DTNA: variants seen among roughly 807,000 people sequenced by gnomAD.
DTNA encodes the protein dystrophin-related protein 3.
A neutral mutation model predicts 100.7 loss-of-function variants in DTNA; 43 were observed. That is an observed-to-expected ratio of 0.43 (90% confidence interval 0.33 to 0.55). DTNA has a LOEUF of 0.55. Ranked by LOEUF, DTNA falls within the 20% of genes least tolerant of loss-of-function variation. The probability of loss-of-function intolerance (pLI) is 0.04; values close to 1 mark genes in which losing one functional copy is unlikely to be tolerated. For synonymous variants in DTNA, 349 were observed against 347.9 expected (o/e 1.00, Z -0.04); for missense variants, 798 against 953.9 (o/e 0.84, Z 2.15).
intron 8 of DTNA, chr18:34,818,711 A>G: frequency 9.9e-7 from 1 of 1,013,980 alleles, no homozygotes; most frequent in Non-Finnish European, 1.2e-6. Flanking sequence ...TGTTAGTTTT[A>G]TTTTTCTTAG....
chr18:34,769,950 AC>A (rs1425102427), intron 3 of DTNA, among the ~76,000 whole-genome samples: 3 of 151,278 alleles, frequency 2.0e-5, no homozygotes, highest in Non-Finnish European at 2.9e-5. Context: ...CAAACTCCTG[AC>A]CTCATGTGAT....
intron 1 of DTNA, among the ~76,000 whole-genome samples, chr18:34,626,193 A>T (rs1015188262): frequency 6.6e-6 from 1 of 152,246 alleles, no homozygotes; most frequent in Non-Finnish European, 1.5e-5. Flanking sequence ...ACACATACAG[A>T]GAACTAATGA....
At chr18:34,833,940 CAAT>C (rs2096074057) in intron 11 of DTNA, among the ~76,000 whole-genome samples, 1 of 152,040 alleles carries the variant, frequency 6.6e-6, no homozygotes, top group Non-Finnish European at 1.5e-5. Flanking sequence ...CATTCTGACA[CAAT>C]GATATGCTGG....
chr18:34,864,981 A>C (rs2096678749), intron 17 of DTNA, among the ~76,000 whole-genome samples: 1 of 152,220 alleles, frequency 6.6e-6, no homozygotes, highest in African/African-American at 2.4e-5. Context: ...TTAAAGTCAA[A>C]AGCAGGCAAA....
intron 4 of DTNA, among the ~76,000 whole-genome samples, chr18:34,798,166 G>A (rs897189655): frequency 6.6e-6 from 1 of 151,954 alleles, no homozygotes; most frequent in Non-Finnish European, 1.5e-5. Context: ...CACCTGGCTA[G>A]TAATTGTGTT....
intron 3 of DTNA, among the ~76,000 whole-genome samples, chr18:34,776,465 C>T (rs1242624798): frequency 6.6e-6 from 1 of 152,176 alleles, no homozygotes; most frequent in Non-Finnish European, 1.5e-5. Context: ...CTGCATCAGC[C>T]TGAGTAGCTG....
At chr18:34,545,405 T>C (rs2145825655) in intron 1 of DTNA, among the ~76,000 whole-genome samples, 1 of 152,246 alleles carries the variant, frequency 6.6e-6, no homozygotes, top group South Asian at 2.1e-4. Context: ...TGGAAAATTA[T>C]TACAGTTTTA....
At chr18:34,517,730 T>C (rs1423067394) in intron 1 of DTNA, among the ~76,000 whole-genome samples, 1 of 152,126 alleles carries the variant, frequency 6.6e-6, no homozygotes, top group South Asian at 2.1e-4. Context: ...TTTTTAAAAA[T>C]TCAACATAAT....
chr18:34,868,060 T>C (rs758005096), intron 17 of DTNA: 8 of 961,608 alleles, frequency 8.3e-6, no homozygotes, highest in Admixed American at 1.2e-4. Flanking sequence ...CTTCATAAAA[T>C]TGAAATAGAA....
chr18:34,641,329 A>T (rs950443130), intron 1 of DTNA, among the ~76,000 whole-genome samples: 17 of 152,222 alleles, frequency 1.1e-4, no homozygotes, highest in Non-Finnish European at 1.9e-4. Context: ...TGATTGATTT[A>T]GTTTAATACT....
At chr18:34,858,211 C>A in intron 15 of DTNA, 74 bp from the exon 16 acceptor site, 1 of 1,371,090 alleles carries the variant, frequency 7.3e-7, no homozygotes, top group Non-Finnish European at 1.0e-6. Flanking sequence ...GTTCTGGTGG[C>A]CTTGATCTGC....
intron 13 of DTNA, among the ~76,000 whole-genome samples, chr18:34,839,312 A>C (rs1028521813): frequency 1.3e-5 from 2 of 152,248 alleles, no homozygotes; most frequent in African/African-American, 4.8e-5. Flanking sequence ...CAATGATAAC[A>C]GTGGGAACAA....
chr18:34,777,585 C>T (rs957313704), intron 3 of DTNA, among the ~76,000 whole-genome samples: 39 of 152,308 alleles, frequency 2.6e-4, no homozygotes, highest in African/African-American at 8.7e-4. Context: ...ACTCGCCATT[C>T]CATGTGGCTG....
At chr18:34,772,712 G>C (rs1161996990) in intron 3 of DTNA, among the ~76,000 whole-genome samples, 2 of 151,988 alleles carry the variant, frequency 1.3e-5, no homozygotes, top group Non-Finnish European at 2.9e-5. Flanking sequence ...TTCTATTCTT[G>C]GTAAAAAATT....
intron 1 of DTNA, among the ~76,000 whole-genome samples, chr18:34,545,044 T>C (rs2044627738): frequency 6.6e-6 from 1 of 152,098 alleles, no homozygotes; most frequent in Non-Finnish European, 1.5e-5. Flanking sequence ...ACAAAGTGAA[T>C]GTGGAAAGCA....
At position 34,838,787 on chromosome 18, in the gene DTNA, A is replaced by G. The variant is rs1297822363; in HGVS notation, c.1296A>G (p.Glu432=). ...SLNVADRLAD[E]HVLIGLYVNM... is the part of the protein sequence containing the mutation. ...ATGTGGCAGACAGGCTAGCTGATGAACATGTTCTCATCGGGTTGTATGTCA... is the reference window on the plus strand; with the variant it reads ...ATGTGGCAGACAGGCTAGCTGATGAGCATGTTCTCATCGGGTTGTATGTCA... The change falls in exon 13 of 23, where the codon GAA becomes GAG. Residue 432 remains glutamate, a synonymous_variant. Coordinates refer to ENST00000444659, the MANE Select transcript of DTNA (RefSeq NM_001386795.1). The G allele has an allele frequency of 1.2e-6, 2 of 1,613,796 alleles. No individual in the cohort carries two copies. The highest frequency in any genetic ancestry group is 1.7e-6 in the Non-Finnish European group (2 of 1,179,802).
At chr18:34,730,856 T>A (rs2087954951) in intron 1 of DTNA, among the ~76,000 whole-genome samples, 1 of 152,210 alleles carries the variant, frequency 6.6e-6, no homozygotes, top group Admixed American at 6.5e-5. Flanking sequence ...TGTTGGTGTG[T>A]CCAGTAACTT....
In DTNA at chr18:34,815,964, A is replaced by C. The variant is rs1489905130; in HGVS notation, c.659A>C (p.Gln220Pro). 1 of 1,613,782 alleles carries C rather than the reference A, an allele frequency of 6.2e-7. No homozygotes were observed. The highest frequency in any genetic ancestry group is 1.3e-5 in the African/African-American group (1 of 74,910). ...ACGCTTATGTCAGATCCTCCCCCGC[A>C]GTGTCTGGTCTGGTTGCCTCTTCTG... ...LDTLMSDPPP[Q>P]CLVWLPLLHR... The change falls in exon 7 of 23, where the codon CAG becomes CCG. Residue 220 changes from glutamine to proline, a missense_variant. Gln to Pro is a moderately conservative substitution (Grantham distance 76). Coordinates refer to ENST00000444659, the MANE Select transcript of DTNA (RefSeq NM_001386795.1).
intron 3 of DTNA, among the ~76,000 whole-genome samples, chr18:34,773,661 A>G (rs1181002746): frequency 6.6e-6 from 1 of 152,200 alleles, no homozygotes; most frequent in Non-Finnish European, 1.5e-5. Context: ...CCCTGTGGGA[A>G]AGTTGGTGGT....
Sources: gnomAD v4.1 joint callset for allele counts (sites outside exome capture counted in the v4.1 genomes callset) on GRCh38, gnomAD v4.1.1 for gene constraint, MANE v1.5 for transcripts, NCBI Gene and HGNC (gene_info 2026-07-23, HGNC 2026-07-21) for gene names.